MAP2: variants seen among roughly 807,000 people sequenced by gnomAD.
The protein encoded by MAP2 is microtubule associated protein 2.
Under a neutral mutation model 137.6 loss-of-function variants are expected in MAP2, and 14 were observed. The ratio of observed to expected loss-of-function variants is 0.10; its 90% confidence interval spans 0.07 to 0.16. The LOEUF (loss-of-function observed/expected upper bound fraction) is 0.16, where lower values mean the gene tolerates loss of function less well. MAP2 is among the 10% of genes least tolerant of loss of function. The pLI, the probability that MAP2 is intolerant of heterozygous loss-of-function variation, is 1.00. For synonymous variants in MAP2, 786 were observed against 782.3 expected, an observed-to-expected ratio of 1.00 and a Z score of -0.08; for missense variants, 2,088 against 2,191.5, an observed-to-expected ratio of 0.95 and a Z score of 0.94.
intron 1 of MAP2, among the ~76,000 whole-genome samples, chr2:209,451,826 G>A (rs964671455): frequency 4.5e-4 from 69 of 152,096 alleles, no homozygotes; most frequent in African/African-American, 1.6e-3. Flanking sequence ...GACTCAGTAA[G>A]GACTTTATCT....
chr2:209,554,767 A>G (rs1248519446), intron 2 of MAP2, among the ~76,000 whole-genome samples: 1 of 151,848 alleles, frequency 6.6e-6, no homozygotes, highest in Admixed American at 6.6e-5. Context: ...ATTAAAATTA[A>G]AAAATAAAAT....
intron 2 of MAP2, among the ~76,000 whole-genome samples, chr2:209,563,559 G>C (rs749711561): frequency 2.2e-4 from 34 of 151,966 alleles, no homozygotes; most frequent in Non-Finnish European, 4.4e-4. Flanking sequence ...ACCCACCCCC[G>C]TATACTTCTC....
intron 13 of MAP2, among the ~76,000 whole-genome samples, chr2:209,717,178 G>A (rs953026511): frequency 6.6e-6 from 1 of 152,138 alleles, no homozygotes; most frequent in African/African-American, 2.4e-5. Context: ...AGGTTTAATT[G>A]ACTCACAGTT....
chr2:209,660,155 A>G (rs1227806781), intron 5 of MAP2, among the ~76,000 whole-genome samples: 3 of 151,996 alleles, frequency 2.0e-5, no homozygotes, highest in African/African-American at 2.4e-5. Context: ...AATCCCCACA[A>G]TTTACCAGGA....
At chr2:209,482,611 A>G (rs2057868666) in intron 1 of MAP2, among the ~76,000 whole-genome samples, 1 of 152,198 alleles carries the variant, frequency 6.6e-6, no homozygotes, top group African/African-American at 2.4e-5. Flanking sequence ...AAACTTTCTG[A>G]TAGGCTTTTA....
intron 3 of MAP2, among the ~76,000 whole-genome samples, chr2:209,582,595 G>A (rs1237125018): frequency 2.0e-5 from 3 of 151,708 alleles, no homozygotes; most frequent in Non-Finnish European, 4.4e-5. Context: ...TATGAGAAAT[G>A]ATGTCATACT....
intron 1 of MAP2, among the ~76,000 whole-genome samples, chr2:209,481,889 C>A (rs1027051625): frequency 9.9e-5 from 15 of 152,172 alleles, no homozygotes; most frequent in African/African-American, 3.6e-4. Context: ...AGCCAGCTTC[C>A]ACAAACTTCT....
In MAP2 at chr2:209,477,404, AT is replaced by A. The variant is rs1575720738; in HGVS notation, c.-221-30186del. Among the ~76,000 whole-genome samples, 3 of 152,346 alleles carry A rather than the reference AT, an allele frequency of 2.0e-5. No individual in the cohort carries two copies. The East Asian group carries it at 5.8e-4, about 29-fold the overall frequency. ...CATAAATATGGCTCTATTAAAAAAAATTAAAAATAATGACAATAAAGAATAC... is the reference window on the plus strand; with the variant it reads ...CATAAATATGGCTCTATTAAAAAAAATAAAAATAATGACAATAAAGAATAC... On this transcript the variant is annotated intron_variant, in intron 1 of 15. Coordinates refer to ENST00000682079, the MANE Select transcript of MAP2 (RefSeq NM_001375505.1).
intron 5 of MAP2, 82 bp from the exon 6 acceptor site, chr2:209,678,490 C>CACTAT: frequency 1.6e-6 from 1 of 610,258 alleles, no homozygotes; most frequent in East Asian, 3.0e-5. Context: ...AATTATAATC[C>CACTAT]ACTATACTGT....
intron 3 of MAP2, among the ~76,000 whole-genome samples, chr2:209,590,191 A>T (rs2078868238): frequency 6.6e-6 from 1 of 151,982 alleles, no homozygotes; most frequent in Non-Finnish European, 1.5e-5. Context: ...TTCCCCAAAC[A>T]CATCACTACC....
intron 3 of MAP2, among the ~76,000 whole-genome samples, chr2:209,602,820 A>G (rs1462475106): frequency 6.6e-6 from 1 of 152,162 alleles, no homozygotes; most frequent in Non-Finnish European, 1.5e-5. Flanking sequence ...CTAAGTCAAT[A>G]TTACACATTA....
intron 2 of MAP2, among the ~76,000 whole-genome samples, chr2:209,556,225 G>A (rs2070605536): frequency 1.3e-5 from 2 of 151,668 alleles, no homozygotes; most frequent in African/African-American, 4.8e-5. Flanking sequence ...AATATTTCTT[G>A]TAGAGACAGG....
chr2:209,694,326 G>T lies in MAP2; in HGVS notation c.2156G>T (p.Gly719Val). ...LDSIALGFNF[G>V]RGHDLSPLAS... ...TCCATAGCCCTTGGATTTAACTTTG[G>T]TCGGGGACATGATCTTTCTCCTCTG... The change falls in exon 8 of 16, where the codon GGT (glycine) becomes GTT (valine). Residue 719 changes from glycine to valine, a missense_variant. Coordinates refer to ENST00000682079, the MANE Select transcript of MAP2 (RefSeq NM_001375505.1). The T allele has an allele frequency of 3.7e-6, 6 of 1,614,080 alleles. No homozygotes were observed. The highest frequency in any genetic ancestry group is 5.1e-6 in the Non-Finnish European group (6 of 1,180,010).
chr2:209,670,179 C>G (rs1296906351), intron 5 of MAP2, among the ~76,000 whole-genome samples: 1 of 151,944 alleles, frequency 6.6e-6, no homozygotes, highest in African/African-American at 2.4e-5. Context: ...AGGAATTTCT[C>G]TTTCTCAAGT....
At chr2:209,525,811 G>A (rs2063950546) in intron 2 of MAP2, among the ~76,000 whole-genome samples, 1 of 152,092 alleles carries the variant, frequency 6.6e-6, no homozygotes, top group Non-Finnish European at 1.5e-5. Context: ...CAAACTCTTA[G>A]TTTCTACATT....
intron 1 of MAP2, among the ~76,000 whole-genome samples, chr2:209,442,322 A>G (rs2149402422): frequency 6.6e-6 from 1 of 151,678 alleles, no homozygotes; most frequent in South Asian, 2.1e-4. Flanking sequence ...AGGGAGCAAA[A>G]GAACTTTAAC....
chr2:209,724,671 C>A (rs534871376), intron 13 of MAP2, among the ~76,000 whole-genome samples: 1 of 152,306 alleles, frequency 6.6e-6, no homozygotes, highest in African/African-American at 2.4e-5. Flanking sequence ...GAGCATAAAA[C>A]TGTCATTGTC....
At chr2:209,559,449 C>T (rs1192640756) in intron 2 of MAP2, among the ~76,000 whole-genome samples, 2 of 119,552 alleles carry the variant, frequency 1.7e-5, no homozygotes, top group African/African-American at 3.4e-5. Flanking sequence ...GCCTGGCCAA[C>T]ATGGTGAAAC....
At chr2:209,654,503 G>A (rs1398295387) in intron 5 of MAP2, among the ~76,000 whole-genome samples, 1 of 152,156 alleles carries the variant, frequency 6.6e-6, no homozygotes, top group Non-Finnish European at 1.5e-5. Context: ...GATTAATTAA[G>A]ATAGTAAAGT....
Sources: allele counts gnomAD v4.1 joint callset (sites outside exome capture counted in the v4.1 genomes callset), GRCh38; gene constraint gnomAD v4.1.1; transcripts MANE v1.5; gene names NCBI Gene and HGNC (gene_info 2026-07-23, HGNC 2026-07-21).